Variants in ZDHHC15 observed in about 807,000 individuals in gnomAD.
ZDHHC15 encodes the protein palmitoyltransferase ZDHHC15.
A neutral mutation model predicts 31.7 loss-of-function variants in ZDHHC15; 19 were observed. That is an observed-to-expected ratio of 0.60 (90% CI 0.42 to 0.88). The LOEUF is 0.88. Among genes scored for constraint, ZDHHC15 ranks in the 40% least tolerant of loss-of-function variants. The pLI is 0.00. For missense variants in ZDHHC15, 209 were observed against 251.2 expected (o/e 0.83, Z 1.14); for synonymous variants, 103 against 90.0 (o/e 1.14, Z -0.82).
At chrX:75,431,399 G>A (rs2083778429) in intron 5 of ZDHHC15, 52 bp downstream of exon 5, 3 of 1,122,770 alleles carry the variant, frequency 2.7e-6, no homozygotes, top group African/African-American at 3.6e-5. Flanking sequence ...TTGTTGTCTA[G>A]GAAACCTTCA....
At chrX:75,484,917 G>T (rs1307637531) in intron 2 of ZDHHC15, among the ~76,000 whole-genome samples, 1 of 111,972 alleles carries the variant, frequency 8.9e-6, no homozygotes, top group East Asian at 2.8e-4. Context: ...CATACTCACA[G>T]ATGAATCTTA....
chrX:75,505,181 G>C (rs1229871635), intron 2 of ZDHHC15, among the ~76,000 whole-genome samples: 1 of 111,254 alleles, frequency 9.0e-6, no homozygotes, highest in Non-Finnish European at 1.9e-5. Context: ...ATGCTAGGTA[G>C]GTTAACGAAT....
At chrX:75,452,424 C>T (rs1421949863) in intron 3 of ZDHHC15, among the ~76,000 whole-genome samples, 2 of 110,584 alleles carry the variant, frequency 1.8e-5, no homozygotes, top group African/African-American at 6.6e-5. Context: ...GACTTAGACT[C>T]CACACAATAA....
At chrX:75,458,613 G>A (rs1213581967) in intron 3 of ZDHHC15, among the ~76,000 whole-genome samples, 3 of 111,118 alleles carry the variant, frequency 2.7e-5, no homozygotes, top group Non-Finnish European at 5.7e-5. Flanking sequence ...GTCATTCTCA[G>A]GTAGAGTGAG....
chrX:75,513,577 T>C (rs2085310304), intron 1 of ZDHHC15, among the ~76,000 whole-genome samples: 1 of 111,538 alleles, frequency 9.0e-6, no homozygotes, highest in Non-Finnish European at 1.9e-5. Flanking sequence ...GCCTACACTC[T>C]ACTATATACA....
chrX:75,384,459 T>C (rs992540045), intron 10 of ZDHHC15: 1 of 810,318 alleles, frequency 1.2e-6, no homozygotes, highest in African/African-American at 2.0e-5. Context: ...AGAAAGGTGA[T>C]ATTGTAGACA....
At chrX:75,510,199 T>C (rs1288562182) in intron 1 of ZDHHC15, among the ~76,000 whole-genome samples, 1 of 111,751 alleles carries the variant, frequency 8.9e-6, no homozygotes, top group Non-Finnish European at 1.9e-5. Context: ...AAAATATAGA[T>C]TCCAGGGCTC....
chrX:75,439,547 T>G, intron 4 of ZDHHC15, among the ~76,000 whole-genome samples: 1 of 111,875 alleles, frequency 8.9e-6, no homozygotes. Context: ...TATATTTCTC[T>G]GGAGATATTT....
At chrX:75,385,673 C>T (rs908918794) in intron 10 of ZDHHC15, among the ~76,000 whole-genome samples, 14 of 111,100 alleles carry the variant, frequency 1.3e-4, no homozygotes, top group African/African-American at 3.9e-4. Flanking sequence ...CCTCACTTAG[C>T]TTGGGGTGTT....
chrX:75,441,969 C>T (rs1348059501), intron 4 of ZDHHC15, among the ~76,000 whole-genome samples: 1 of 111,588 alleles, frequency 9.0e-6, no homozygotes, highest in African/African-American at 3.3e-5. Context: ...TGAGTCTCCA[C>T]ATGTTGCTTT....
intron 10 of ZDHHC15, chrX:75,384,927 A>G: frequency 2.2e-6 from 1 of 451,503 alleles, no homozygotes; most frequent in Admixed American, 3.6e-5. Context: ...GGCACTATCT[A>G]CTATCGCCAA....
intron 2 of ZDHHC15, among the ~76,000 whole-genome samples, chrX:75,493,349 G>C (rs1445182752): frequency 9.0e-6 from 1 of 111,620 alleles, no homozygotes; most frequent in East Asian, 2.8e-4. Context: ...AATTGTACCA[G>C]AGGTACAAGG....
chrX:75,480,491 A>T (rs1429848272), intron 2 of ZDHHC15, among the ~76,000 whole-genome samples: 2 of 111,268 alleles, frequency 1.8e-5, no homozygotes, highest in Non-Finnish European at 3.8e-5. Context: ...TTAAAATCTG[A>T]AAGTATGGAA....
chrX:75,414,127 C>T (rs780789068), intron 10 of ZDHHC15, among the ~76,000 whole-genome samples: 1 of 111,909 alleles, frequency 8.9e-6, no homozygotes, highest in African/African-American at 3.2e-5. Context: ...TAAAATATAG[C>T]CCCAAGACTC....
chrX:75,375,993 C>T (rs755245368), intron 11 of ZDHHC15, among the ~76,000 whole-genome samples: 2 of 111,836 alleles, frequency 1.8e-5, no homozygotes, highest in South Asian at 7.5e-4. Context: ...CTGCTTTCCA[C>T]GGTGGATGGA....
intron 1 of ZDHHC15, among the ~76,000 whole-genome samples, chrX:75,518,769 G>GTATA (rs1162307795): frequency 9.5e-4 from 31 of 32,576 alleles, no homozygotes; most frequent in African/African-American, 3.4e-3. Context: ...TAACAAACTG[G>GTATA]TATATATATA....
chrX:75,422,695 G>T (rs947724457), intron 8 of ZDHHC15, among the ~76,000 whole-genome samples: 2 of 111,422 alleles, frequency 1.8e-5, no homozygotes, highest in Non-Finnish European at 3.8e-5. Context: ...GCTTTTAGTG[G>T]TTTTCCACTT....
chrX:75,377,504 A>AATAT lies in ZDHHC15; in HGVS notation c.*32+1612_*32+1615dup, dbSNP rs35997677. Among the ~76,000 whole-genome samples the AATAT allele has an allele frequency of 1.2e-3, 129 of 105,470 alleles. 1 individual carries two copies. The highest frequency in any genetic ancestry group is 1.6e-3 in the Non-Finnish European group (82 of 51,241). 91.6% of individuals were successfully genotyped at this position (105,470 alleles called of 115,157 possible). ...GAGTGAGACTCCATCTCAAAAAAAA[A>AATAT]ATATATATATATGTATATATGAGTT... On this transcript the variant is annotated intron_variant, in intron 11 of 11. Transcript: ENST00000373367.
intron 10 of ZDHHC15, among the ~76,000 whole-genome samples, chrX:75,385,872 C>T (rs1485995173): frequency 9.0e-6 from 1 of 111,573 alleles, no homozygotes; most frequent in Non-Finnish European, 1.9e-5. Context: ...AATCATTTGG[C>T]AAATAATGTA....
Sources: gnomAD v4.1 joint callset for allele counts (sites outside exome capture counted in the v4.1 genomes callset) on GRCh38, gnomAD v4.1.1 for gene constraint, MANE v1.5 for transcripts, NCBI Gene and HGNC (gene_info 2026-07-23, HGNC 2026-07-21) for gene names.